The following GRK7 variants were observed in gnomAD, a reference collection of about 807,000 sequenced individuals.
The protein encoded by GRK7 is rhodopsin kinase GRK7.
A neutral mutation model predicts 34.1 loss-of-function variants in GRK7; 24 were observed. That is an observed-to-expected ratio of 0.70 (90% CI 0.51 to 0.99). GRK7 has a LOEUF of 0.99. GRK7 is among the 50% of genes least tolerant of loss of function. The pLI is 0.00. For missense variants in GRK7, 644 were observed against 707.3 expected (o/e 0.91, Z 1.02); for synonymous variants, 256 against 279.4 (o/e 0.92, Z 0.84).
upstream of GRK7, among the ~76,000 whole-genome samples, chr3:141,760,759 TG>T (rs1204979479): frequency 7.0e-6 from 1 of 141,964 alleles, no homozygotes; most frequent in Non-Finnish European, 1.5e-5. Context: ...TAAGTCTCTT[TG>T]TAGGTCACTC....
At chr3:141,757,665 AC>A in the GRK7 span, among the ~76,000 whole-genome samples, 1 of 67,872 alleles carries the variant, frequency 1.5e-5, no homozygotes, top group Non-Finnish European at 2.8e-5. Context: ...TTGGGTGTAT[AC>A]CCAGTAATGG....
intron 4 of GRK7, among the ~76,000 whole-genome samples, chr3:141,786,068 T>TTA (rs1415656346): frequency 6.6e-6 from 1 of 152,172 alleles, no homozygotes; most frequent in African/African-American, 2.4e-5. Flanking sequence ...AGATACCTGC[T>TTA]TATAGCCCAT....
intron 5 of GRK7, among the ~76,000 whole-genome samples, chr3:141,815,520 A>G (rs368752866): frequency 2.0e-4 from 31 of 152,230 alleles, no homozygotes; most frequent in African/African-American, 6.0e-4. Context: ...CAAGAGGAGT[A>G]TGGTAGGCAG....
rs1054199203 is a variant in GRK7, at chr3:141,768,832, T to A, written c.-215+3094T>A. Among the ~76,000 whole-genome samples the A allele has an allele frequency of 2.6e-5, 4 of 152,270 alleles. No individual in the cohort carries two copies. In the South Asian group the frequency reaches 8.3e-4, roughly 32 times the overall value. On this transcript the variant is annotated intron_variant, in intron 1 of 5. Transcript: ENST00000682958. ...ATCTCAGCCTCTCAGCAGCATTCGA[T>A]GCAGTTGGCCACTCTCTACTTGGCT...
the GRK7 span, among the ~76,000 whole-genome samples, chr3:141,752,771 A>C: frequency 6.6e-6 from 1 of 152,112 alleles, no homozygotes; most frequent in Non-Finnish European, 1.5e-5. Context: ...TCTTCCCAAA[A>C]CTCAGATGTC....
chr3:141,765,988 A>G (rs1475050633), intron 1 of GRK7, among the ~76,000 whole-genome samples: 2 of 152,176 alleles, frequency 1.3e-5, no homozygotes, highest in African/African-American at 4.8e-5. Flanking sequence ...ACCATAGCGT[A>G]TATCAAGGGT....
At chr3:141,777,314 T>C (rs1381015981) in intron 2 of GRK7, among the ~76,000 whole-genome samples, 3 of 140,512 alleles carry the variant, frequency 2.1e-5, no homozygotes, top group African/African-American at 5.4e-5. Flanking sequence ...TGGGTGGAGA[T>C]GGCCCCTCTT....
At chr3:141,811,550 C>T (rs1408917872) in intron 5 of GRK7, among the ~76,000 whole-genome samples, 1 of 152,080 alleles carries the variant, frequency 6.6e-6, no homozygotes, top group Non-Finnish European at 1.5e-5. Flanking sequence ...GACTTTACAA[C>T]ATTAGAGGAA....
intron 4 of GRK7, among the ~76,000 whole-genome samples, chr3:141,803,939 G>T (rs981901506): frequency 6.6e-6 from 1 of 151,694 alleles, no homozygotes; most frequent in Non-Finnish European, 1.5e-5. Flanking sequence ...CTCAACTCCT[G>T]ATCTCATGAT....
intron 1 of GRK7, among the ~76,000 whole-genome samples, chr3:141,766,655 C>G (rs760980038): frequency 2.0e-4 from 30 of 152,196 alleles, no homozygotes; most frequent in South Asian, 1.2e-3. Flanking sequence ...TTGTTTCATT[C>G]ATTATTATAA....
At chr3:141,795,466 A>C (rs2084744452) in intron 4 of GRK7, among the ~76,000 whole-genome samples, 1 of 152,216 alleles carries the variant, frequency 6.6e-6, no homozygotes, top group South Asian at 2.1e-4. Flanking sequence ...CGCAGAACAG[A>C]GTGGCTTTGC....
chr3:141,788,665 C>A (rs1006738275), intron 4 of GRK7, among the ~76,000 whole-genome samples: 3 of 152,130 alleles, frequency 2.0e-5, no homozygotes, highest in African/African-American at 4.8e-5. Context: ...GGCAGACACG[C>A]AAGGAGATGC....
At chr3:141,789,803 G>C (rs969856556) in intron 4 of GRK7, among the ~76,000 whole-genome samples, 11 of 152,220 alleles carry the variant, frequency 7.2e-5, no homozygotes, top group Non-Finnish European at 1.2e-4. Flanking sequence ...CTACATATGA[G>C]CTGAGCCTCT....
In GRK7 at chr3:141,778,259, C is replaced by T. The variant is rs764698179; in HGVS notation, c.-26C>T. On this transcript the variant is annotated 5_prime_UTR_variant, in exon 3 of 6. Coordinates refer to ENST00000682958, the MANE Select transcript of GRK7 (RefSeq NM_139209.3). This position sits in a 1 kb window ranked among gnomAD's most constrained non-coding sequence, Gnocchi z 4.1. ...AGCCCTCCAGCCCTCTTGTGCTTTC[C>T]CTGGGAGTGCGCCCCGTGCTCAGCC... 1.3e-6 allele frequency: 2 copies of T among 1,534,156 alleles called. No individual in the cohort carries two copies. The highest frequency in any genetic ancestry group is 1.8e-6 in the Non-Finnish European group (2 of 1,140,200).
At chr3:141,752,474 A>G in the GRK7 span, among the ~76,000 whole-genome samples, 2 of 152,358 alleles carry the variant, frequency 1.3e-5, no homozygotes, top group South Asian at 4.1e-4. Flanking sequence ...CCAAAATGTC[A>G]TCAGCAGTGA....
intron 3 of GRK7, 53 bp from the exon 4 acceptor site, chr3:141,780,321 T>C: frequency 6.9e-7 from 1 of 1,452,268 alleles, no homozygotes; most frequent in Non-Finnish European, 9.4e-7. Context: ...TCTCCACCTC[T>C]CTGCAGTACC....
At chr3:141,811,298 A>G (rs893591043) in intron 5 of GRK7, among the ~76,000 whole-genome samples, 1 of 152,168 alleles carries the variant, frequency 6.6e-6, no homozygotes, top group Non-Finnish European at 1.5e-5. Flanking sequence ...AGCCTGGGCA[A>G]TAAGAGCAAA....
At chr3:141,780,034 TG>T (rs1439326438) in intron 3 of GRK7, among the ~76,000 whole-genome samples, 1 of 152,180 alleles carries the variant, frequency 6.6e-6, no homozygotes, top group African/African-American at 2.4e-5. Flanking sequence ...TGCCCAGGAG[TG>T]GAATTGCTAG....
chr3:141,768,913 G>C (rs1389203876), intron 1 of GRK7, among the ~76,000 whole-genome samples: 1 of 151,986 alleles, frequency 6.6e-6, no homozygotes, highest in Non-Finnish European at 1.5e-5. Flanking sequence ...TTCCTTCTCA[G>C]CCTCCCTTAC....
Sources: gnomAD v4.1 joint callset for allele counts (sites outside exome capture counted in the v4.1 genomes callset) on GRCh38, gnomAD v4.1.1 for gene constraint, Gnocchi (gnomAD v3.1) non-coding constraint, MANE v1.5 for transcripts, NCBI Gene and HGNC (gene_info 2026-07-23, HGNC 2026-07-21) for gene names.